The following DPYSL2 variants were observed in gnomAD, a reference collection of about 807,000 sequenced individuals.
DPYSL2 encodes dihydropyrimidinase like 2.
A neutral mutation model predicts 69.9 loss-of-function variants in DPYSL2; 13 were observed. The observed-to-expected ratio is 0.19, with a 90% CI of 0.12 to 0.30. The LOEUF is 0.30. Among genes scored for constraint, DPYSL2 ranks in the 10% least tolerant of loss-of-function variants. The pLI is 1.00. For missense variants in DPYSL2, 587 were observed against 918.9 expected (o/e 0.64, Z 4.67); for synonymous variants, 326 against 359.1 (o/e 0.91, Z 1.04).
chr8:26,604,022 C>T (rs11775462), intron 3 of DPYSL2, among the ~76,000 whole-genome samples: 13,443 of 152,164 alleles, frequency 0.088, 778 homozygotes, highest in Non-Finnish European at 0.12. Flanking sequence ...CCGCATCATA[C>T]GGTAATTCTG....
Position 26,582,218 on chromosome 8 carries a change from T to C in DPYSL2, c.443+161T>C, listed in dbSNP as rs1801507226. Among the ~76,000 whole-genome samples the C allele has an allele frequency of 6.6e-6, 1 of 152,358 alleles. No homozygotes were observed. The highest frequency in any genetic ancestry group is 1.9e-4 in the East Asian group (1 of 5,192). ...TTTTGATTGGTGGTAATTAGTGAATTTGAAAACTCAAATTTAGGGAATTCA... is the reference window on the plus strand; with the variant it reads ...TTTTGATTGGTGGTAATTAGTGAATCTGAAAACTCAAATTTAGGGAATTCA... On this transcript the variant is annotated intron_variant, in intron 2 of 13. Coordinates refer to ENST00000521913, the MANE Select transcript of DPYSL2 (RefSeq NM_001197293.3). This position sits in a 1 kb window ranked among gnomAD's most constrained non-coding sequence, Gnocchi z 4.1.
intron 3 of DPYSL2, among the ~76,000 whole-genome samples, chr8:26,602,138 ATTTTTT>A (rs374443692): frequency 2.2e-5 from 3 of 135,300 alleles, no homozygotes; most frequent in African/African-American, 5.5e-5. Context: ...AACAAAGGAA[ATTTTTT>A]TTTTTTTTTT....
At chr8:26,590,195 C>T (rs898639749) in intron 3 of DPYSL2, among the ~76,000 whole-genome samples, 1 of 152,172 alleles carries the variant, frequency 6.6e-6, no homozygotes, top group African/African-American at 2.4e-5. Context: ...CACATCAGAC[C>T]CAAGTTTCAA....
Position 26,562,384 on chromosome 8 carries a change from A to G in DPYSL2, c.355-19585A>G, listed in dbSNP as rs776693562. 6.6e-6 allele frequency among the ~76,000 whole-genome samples: 1 copy of G among 152,170 alleles called. No homozygotes were observed. Among genetic ancestry groups the G allele is most frequent in the Admixed American group, 6.5e-5 (1 of 15,278 alleles). The stretch of plus-strand genomic sequence containing the variant: ...GTGGTAGCTGTTATTATTGCCTCCA[A>G]CATAAATGACACATCTGTCCATTTA... On this transcript the variant is annotated intron_variant, in intron 1 of 13. Coordinates refer to ENST00000521913, the MANE Select transcript of DPYSL2 (RefSeq NM_001197293.3). The surrounding 1 kb of genome is among the most constrained non-coding windows in gnomAD (Gnocchi z 4.9).
At chr8:26,600,225 G>T (rs1801960832) in intron 3 of DPYSL2, among the ~76,000 whole-genome samples, 1 of 152,154 alleles carries the variant, frequency 6.6e-6, no homozygotes, top group African/African-American at 2.4e-5. Flanking sequence ...TACATTTGTG[G>T]GCAAGCATTT....
At chr8:26,546,231 G>T (rs536195018) in intron 1 of DPYSL2, among the ~76,000 whole-genome samples, 2 of 152,282 alleles carry the variant, frequency 1.3e-5, no homozygotes, top group Admixed American at 6.5e-5. Flanking sequence ...TATACCTAAA[G>T]ATTTCATTTC....
chr8:26,646,745 C>A (rs1320130175), intron 10 of DPYSL2, among the ~76,000 whole-genome samples: 3 of 152,004 alleles, frequency 2.0e-5, no homozygotes, highest in Admixed American at 2.0e-4. Context: ...AATCCCAGCA[C>A]TTTGGGAGAG....
intron 1 of DPYSL2, among the ~76,000 whole-genome samples, chr8:26,561,546 C>G (rs73559021): frequency 7.7e-4 from 117 of 152,142 alleles, no homozygotes; most frequent in African/African-American, 2.8e-3. Flanking sequence ...TCAGCTCCCC[C>G]ATAATCCCAC....
intron 4 of DPYSL2, among the ~76,000 whole-genome samples, chr8:26,625,774 C>T (rs1006816640): frequency 5.3e-5 from 8 of 152,134 alleles, no homozygotes; most frequent in Non-Finnish European, 7.3e-5. Context: ...TTGTTACAGT[C>T]GCAACAGACT....
At chr8:26,608,076 CA>C (rs11355802) in intron 3 of DPYSL2, among the ~76,000 whole-genome samples, 8,254 of 73,926 alleles carry the variant, frequency 0.11, 459 homozygotes, top group African/African-American at 0.25. Flanking sequence ...GACTCCATCT[CA>C]AAAAAAAAAA....
chr8:26,537,787 C>T (rs764684527), intron 1 of DPYSL2, among the ~76,000 whole-genome samples: 1 of 152,218 alleles, frequency 6.6e-6, no homozygotes, highest in Non-Finnish European at 1.5e-5. Context: ...TGATACAATA[C>T]TACCCTCTAA....
chr8:26,583,520 G>C (rs1315855043), intron 2 of DPYSL2, among the ~76,000 whole-genome samples: 1 of 152,050 alleles, frequency 6.6e-6, no homozygotes. Flanking sequence ...AAATATCTTG[G>C]GGCCTTGTTA....
At chr8:26,529,973 A>G (rs1172554932) in intron 1 of DPYSL2, among the ~76,000 whole-genome samples, 1 of 151,734 alleles carries the variant, frequency 6.6e-6, no homozygotes, top group Non-Finnish European at 1.5e-5. Context: ...CTAGCTGGGC[A>G]TGGTGGCCCG....
chr8:26,514,111 G>C lies in DPYSL2; in HGVS notation c.-215G>C, dbSNP rs1022893187. 7.6e-6 allele frequency: 3 copies of C among 395,968 alleles called. No homozygotes were observed. Among genetic ancestry groups the C allele is most frequent in the Admixed American group, 4.5e-5 (1 of 22,116 alleles). The allele number at this position is 395,968 out of a possible 1,614,324, so 24.5% of individuals were successfully genotyped here. A position where few individuals can be genotyped will look rare whatever the true frequency, so the allele number is the denominator to read the frequency against. ...CCCGAGCTCGCGCTGTAGCCGCGGGGGGCGTGGGCAGGGAGGGGAGAAGCG... is the reference window on the plus strand; with the variant it reads ...CCCGAGCTCGCGCTGTAGCCGCGGGCGGCGTGGGCAGGGAGGGGAGAAGCG... On this transcript the variant is annotated 5_prime_UTR_variant, in exon 1 of 14. Transcript: ENST00000521913. The surrounding 1 kb of genome is among the most constrained non-coding windows in gnomAD (Gnocchi z 8.4).
chr8:26,573,139 G>A (rs1046347719), intron 1 of DPYSL2, among the ~76,000 whole-genome samples: 1 of 152,228 alleles, frequency 6.6e-6, no homozygotes, highest in African/African-American at 2.4e-5. Context: ...CAGCCCCGCA[G>A]AGAATAATAA....
chr8:26,554,973 T>A (rs1460398965), intron 1 of DPYSL2, among the ~76,000 whole-genome samples: 1 of 152,098 alleles, frequency 6.6e-6, no homozygotes, highest in Non-Finnish European at 1.5e-5. Context: ...ACATTCAAAA[T>A]CAATTAGTAC....
intron 3 of DPYSL2, among the ~76,000 whole-genome samples, chr8:26,604,699 G>T (rs1405401085): frequency 2.0e-5 from 3 of 151,916 alleles, no homozygotes; most frequent in African/African-American, 7.3e-5. Flanking sequence ...TGTCACGTAG[G>T]CTGGAGTGCA....
chr8:26,579,636 T>A (rs1801440919), intron 1 of DPYSL2, among the ~76,000 whole-genome samples: 1 of 152,070 alleles, frequency 6.6e-6, no homozygotes, highest in Non-Finnish European at 1.5e-5. Context: ...GGGGAGCAAA[T>A]GCATAGGGGA....
intron 1 of DPYSL2, among the ~76,000 whole-genome samples, chr8:26,563,490 C>T (rs2129668307): frequency 6.6e-6 from 1 of 152,322 alleles, no homozygotes; most frequent in East Asian, 1.9e-4. Context: ...TCTGCTACTT[C>T]CTCCAGAGGC....
Sources: allele counts gnomAD v4.1 joint callset (sites outside exome capture counted in the v4.1 genomes callset), GRCh38; gene constraint gnomAD v4.1.1; non-coding constraint Gnocchi (gnomAD v3.1); transcripts MANE v1.5; gene names NCBI Gene and HGNC (gene_info 2026-07-23, HGNC 2026-07-21).